Variants in AUTS2 observed in about 807,000 individuals in gnomAD.
AUTS2 encodes activator of transcription and developmental regulator AUTS2.
In AUTS2, 17 loss-of-function variants were observed where a neutral mutation model predicts 112.4. The ratio of observed to expected loss-of-function variants is 0.15; its 90% CI spans 0.10 to 0.23. The LOEUF (loss-of-function observed/expected upper bound fraction) is 0.23. Among genes scored for constraint, AUTS2 ranks in the 10% least tolerant of loss-of-function variants. The pLI is 1.00. For missense variants in AUTS2, 1,510 were observed against 1,701.6 expected (o/e 0.89, Z 1.98); for synonymous variants, 751 against 702.7 (o/e 1.07, Z -1.09).
chr7:70,106,003 A>G (rs1198355036), intron 2 of AUTS2, among the ~76,000 whole-genome samples: 1 of 152,212 alleles, frequency 6.6e-6, no homozygotes, highest in African/African-American at 2.4e-5. Context: ...GAGAAATTCC[A>G]TGTGTTTAGA....
chr7:69,675,938 A>C (rs1349542296), intron 1 of AUTS2, among the ~76,000 whole-genome samples: 1 of 152,104 alleles, frequency 6.6e-6, no homozygotes, highest in Non-Finnish European at 1.5e-5. Flanking sequence ...TTTTAAAATA[A>C]TTTTTACATT....
At chr7:70,148,472 T>G (rs572189209) in intron 4 of AUTS2, among the ~76,000 whole-genome samples, 1 of 152,138 alleles carries the variant, frequency 6.6e-6, no homozygotes, top group Non-Finnish European at 1.5e-5. Flanking sequence ...ATTAATCTCA[T>G]CAACTCATCT....
At chr7:69,618,034 T>C (rs965209411) in intron 1 of AUTS2, among the ~76,000 whole-genome samples, 1 of 152,246 alleles carries the variant, frequency 6.6e-6, no homozygotes, top group Non-Finnish European at 1.5e-5. Flanking sequence ...AACAACTCTG[T>C]ATAATAGGTC....
intron 5 of AUTS2, among the ~76,000 whole-genome samples, chr7:70,558,463 C>T (rs1801341859): frequency 6.6e-6 from 1 of 152,152 alleles, no homozygotes; most frequent in African/African-American, 2.4e-5. Flanking sequence ...CATTCCATCT[C>T]AGCCACTGTC....
intron 5 of AUTS2, among the ~76,000 whole-genome samples, chr7:70,644,688 T>C (rs1408908983): frequency 6.6e-6 from 1 of 152,160 alleles, no homozygotes; most frequent in African/African-American, 2.4e-5. Flanking sequence ...CATTCAACGT[T>C]TGCTTCCATT....
chr7:69,781,400 G>A (rs1045891606), intron 1 of AUTS2, among the ~76,000 whole-genome samples: 6 of 152,200 alleles, frequency 3.9e-5, no homozygotes, highest in African/African-American at 1.2e-4. Flanking sequence ...AAGAAGGAGC[G>A]CTCAGCAGCA....
chr7:69,612,961 C>G (rs1034228872), intron 1 of AUTS2, among the ~76,000 whole-genome samples: 21 of 152,158 alleles, frequency 1.4e-4, no homozygotes, highest in African/African-American at 4.6e-4. Context: ...GAAGAGGGAG[C>G]TGCTATTTAC....
chr7:69,610,188 T>C (rs915133795), intron 1 of AUTS2, among the ~76,000 whole-genome samples: 3 of 152,260 alleles, frequency 2.0e-5, no homozygotes, highest in Non-Finnish European at 4.4e-5. Context: ...GAAGACATGA[T>C]TGATACGCTG....
chr7:70,741,271 G>A (rs1171093923), intron 6 of AUTS2, among the ~76,000 whole-genome samples: 1 of 151,460 alleles, frequency 6.6e-6, no homozygotes, highest in African/African-American at 2.4e-5. Context: ...GTTCACAGTG[G>A]TACAAATGAA....
intron 4 of AUTS2, among the ~76,000 whole-genome samples, chr7:70,410,045 G>A (rs879325470): frequency 2.0e-5 from 3 of 152,190 alleles, no homozygotes; most frequent in Non-Finnish European, 4.4e-5. Flanking sequence ...CTGTTGGCTG[G>A]GATGTAGAGG....
At chr7:69,806,322 T>C (rs1462122811) in intron 1 of AUTS2, among the ~76,000 whole-genome samples, 1 of 150,478 alleles carries the variant, frequency 6.6e-6, no homozygotes, top group East Asian at 2.0e-4. Context: ...AAAGGTTTAG[T>C]AGGAGATAAT....
chr7:70,623,881 T>C (rs1021858762), intron 5 of AUTS2, among the ~76,000 whole-genome samples: 1 of 152,210 alleles, frequency 6.6e-6, no homozygotes, highest in Non-Finnish European at 1.5e-5. Flanking sequence ...CAAAGTGTTC[T>C]CTGCTGTTTC....
intron 4 of AUTS2, among the ~76,000 whole-genome samples, chr7:70,242,758 A>G (rs969369038): frequency 1.3e-5 from 2 of 152,156 alleles, no homozygotes; most frequent in African/African-American, 4.8e-5. Context: ...AGTGTATCTT[A>G]AAGTACAGTT....
intron 1 of AUTS2, among the ~76,000 whole-genome samples, chr7:69,871,633 C>G (rs547268391): frequency 1.2e-3 from 188 of 152,112 alleles, no homozygotes; most frequent in Non-Finnish European, 2.2e-3. Context: ...CTCTACTCAC[C>G]CTTTTTGTGA....
intron 1 of AUTS2, among the ~76,000 whole-genome samples, chr7:69,704,943 T>C (rs1292591554): frequency 6.6e-6 from 1 of 152,184 alleles, no homozygotes; most frequent in Admixed American, 6.6e-5. Flanking sequence ...CACAACTCAC[T>C]GCAGCCTCAA....
At chr7:69,759,205 A>G (rs1429477552) in intron 1 of AUTS2, among the ~76,000 whole-genome samples, 1 of 151,858 alleles carries the variant, frequency 6.6e-6, no homozygotes, top group African/African-American at 2.4e-5. Flanking sequence ...ACTGTGGTTG[A>G]GTATCTCTTA....
At position 70,571,221 on chromosome 7, in the gene AUTS2, C is replaced by T. The variant is rs559507487; in HGVS notation, c.691-127348C>T. The stretch of plus-strand genomic sequence containing the variant: ...ACAAACAAACTTGAGATTGAAGGCT[C>T]GCTAGAAGTAGAACTTTGGGTGGAT... On this transcript the variant is annotated intron_variant, in intron 5 of 18. Coordinates refer to ENST00000342771, the MANE Select transcript of AUTS2 (RefSeq NM_015570.4). Among the ~76,000 whole-genome samples the T allele has an allele frequency of 5.3e-5, 8 of 152,200 alleles. No homozygotes were observed. The East Asian group carries it at 1.4e-3, about 26-fold the overall frequency.
chr7:70,452,485 G>T (rs1403175637), intron 5 of AUTS2, among the ~76,000 whole-genome samples: 2 of 152,004 alleles, frequency 1.3e-5, no homozygotes, highest in Admixed American at 6.6e-5. Flanking sequence ...ATAATAATAA[G>T]GATTCAGTAA....
intron 5 of AUTS2, among the ~76,000 whole-genome samples, chr7:70,599,651 G>A (rs1157848235): frequency 6.6e-6 from 1 of 152,198 alleles, no homozygotes; most frequent in Non-Finnish European, 1.5e-5. Context: ...TATTTATTAA[G>A]GAGTGCCCTT....
Sources: allele counts gnomAD v4.1 joint callset (sites outside exome capture counted in the v4.1 genomes callset), GRCh38; gene constraint gnomAD v4.1.1; transcripts MANE v1.5; gene names NCBI Gene and HGNC (gene_info 2026-07-23, HGNC 2026-07-21).